Variants in PNPLA3 observed in about 807,000 individuals in gnomAD.
PNPLA3 encodes the protein 1-acylglycerol-3-phosphate O-acyltransferase PNPLA3.
In PNPLA3, 42 loss-of-function variants were observed where a neutral mutation model predicts 43.1. The ratio of observed to expected loss-of-function variants is 0.97; its 90% confidence interval spans 0.76 to 1.26. The LOEUF (loss-of-function observed/expected upper bound fraction) is 1.26. PNPLA3 is among the 50% of genes most tolerant of loss of function. The pLI, the probability that PNPLA3 is intolerant of heterozygous loss-of-function variation, is 0.00. For missense variants in PNPLA3, 647 were observed against 621.4 expected (o/e 1.04, Z -0.44); for synonymous variants, 272 against 253.6 (o/e 1.07, Z -0.69).
chr22:43,945,601 A>G (rs2050057861), intron 8 of PNPLA3, among the ~76,000 whole-genome samples: 2 of 152,182 alleles, frequency 1.3e-5, no homozygotes, highest in Non-Finnish European at 2.9e-5. Flanking sequence ...AGGATTTAAA[A>G]GTAGGGGAAT....
intron 1 of PNPLA3, 149 bp from the exon 2 acceptor site, chr22:43,926,786 G>A (rs1274356422): frequency 9.4e-6 from 6 of 637,722 alleles, no homozygotes; most frequent in Non-Finnish European, 1.6e-5. Context: ...ACATTTCAAG[G>A]GCGTGATAGC....
intron 4 of PNPLA3, 145 bp downstream of exon 4, chr22:43,933,232 C>G (rs2049973365): frequency 3.9e-6 from 3 of 777,586 alleles, no homozygotes; most frequent in Non-Finnish European, 6.1e-6. Flanking sequence ...GGCGCTTGTC[C>G]CAGAAGCTCA....
At chr22:43,938,124 T>G (rs771943895) in intron 6 of PNPLA3, among the ~76,000 whole-genome samples, 21 of 152,168 alleles carry the variant, frequency 1.4e-4, no homozygotes, top group Non-Finnish European at 2.9e-4. Context: ...TTGCAGCCTC[T>G]AGAACTCTGA....
rs2049903128 is a variant in PNPLA3, at chr22:43,923,942, T to C, written c.31T>C (p.Ser11Pro). ...CGACGCAGAGCGCGGCTGGAGCTTG[T>C]CCTTCGCGGGCTGCGGCTTCCTGGG... Reference protein sequence around the residue: MYDAERGWSLSFAGCGFLGFY... With the variant: MYDAERGWSLPFAGCGFLGFY... The change falls in exon 1 of 9, where the codon TCC (serine) becomes CCC (proline). Residue 11 changes from serine (S) to proline (P), a missense_variant. Coordinates refer to ENST00000216180, the MANE Select transcript of PNPLA3 (RefSeq NM_025225.3). The C allele has an allele frequency of 6.3e-7, 1 of 1,580,626 alleles. No homozygotes were observed. The highest frequency in any genetic ancestry group is 2.4e-5 in the East Asian group (1 of 42,320).
At position 43,940,020 on chromosome 22, in the gene PNPLA3, G is replaced by A; in HGVS notation, c.1007G>A (p.Gly336Asp). ...CTGAGTGAAGAAATGAAAGACAAAG[G>A]TGGATACATGAGCAAGATTTGCAAC... ...TALSEEMKDK[G>D]GYMSKICNLL... Residue 336 changes from glycine to aspartate, a missense_variant, in exon 7 of 9, where the codon GGT (glycine) becomes GAT (aspartate). Physicochemically the swap from Gly to Asp is moderately conservative, Grantham distance 94. Transcript: ENST00000216180. The A allele has an allele frequency of 1.2e-6, 2 of 1,614,174 alleles. No individual in the cohort carries two copies. Among genetic ancestry groups the A allele is most frequent in the Non-Finnish European group, 1.7e-6 (2 of 1,180,016 alleles).
chr22:43,926,003 G>T (rs527537437), intron 1 of PNPLA3, among the ~76,000 whole-genome samples: 77 of 152,336 alleles, frequency 5.1e-4, no homozygotes, highest in African/African-American at 1.7e-3. Flanking sequence ...ATCTGGAGGC[G>T]TTGGCAGGAG....
At position 43,946,533 on chromosome 22, in the gene PNPLA3, G is replaced by C. The variant is rs2050064612; in HGVS notation, c.*151G>C. ...GCTGAGTTGGTTTTATGAAAAGCTA[G>C]GAAGCAACCTTTCGCCTGTGCAGCG... On this transcript the variant is annotated 3_prime_UTR_variant, in exon 9 of 9. Transcript: ENST00000216180. The C allele has an allele frequency of 9.0e-6, 7 of 774,230 alleles. No homozygotes were observed. The South Asian group carries it at 9.2e-5, about 10-fold the overall frequency. The allele number at this position is 774,230 out of a possible 1,614,324, so 48.0% of individuals were successfully genotyped here.
intron 7 of PNPLA3, among the ~76,000 whole-genome samples, chr22:43,940,994 C>A (rs2050027052): frequency 6.6e-6 from 1 of 151,546 alleles, no homozygotes; most frequent in East Asian, 1.9e-4. Context: ...CAAAAATTAG[C>A]TGGGCATGGT....
At chr22:43,940,584 G>A (rs2050024861) in intron 7 of PNPLA3, among the ~76,000 whole-genome samples, 1 of 152,206 alleles carries the variant, frequency 6.6e-6, no homozygotes, top group African/African-American at 2.4e-5. Context: ...CAAGGTGGGT[G>A]GATCATGTGA....
intron 3 of PNPLA3, among the ~76,000 whole-genome samples, chr22:43,931,275 T>G (rs2049960002): frequency 6.6e-6 from 1 of 152,206 alleles, no homozygotes; most frequent in Non-Finnish European, 1.5e-5. Context: ...TCAAATTCAA[T>G]GCAAGCAAAT....
In PNPLA3 at chr22:43,946,348, C is replaced by T; in HGVS notation, c.1412C>T (p.Thr471Ile). ...CCTGCTGGTGCTGAGGGGCTCTCCA[C>T]CTTTCCCAGTTTTTCACTAGAGAAG... ...KVPAGAEGLS[T>I]FPSFSLEKSL Residue 471 changes from threonine (T) to isoleucine (I), a missense_variant, in exon 9 of 9, where the codon ACC (threonine) becomes ATC (isoleucine). Thr to Ile is a moderately conservative substitution (Grantham distance 89, BLOSUM62 -1). Transcript: ENST00000216180. 1 of 1,614,188 alleles carries T rather than the reference C, an allele frequency of 6.2e-7. No individual in the cohort carries two copies. The highest frequency in any genetic ancestry group is 8.5e-7 in the Non-Finnish European group (1 of 1,180,030).
At chr22:43,937,397 C>A in intron 6 of PNPLA3, 125 bp downstream of exon 6, 1 of 852,108 alleles carries the variant, frequency 1.2e-6, no homozygotes, top group Non-Finnish European at 1.9e-6. Flanking sequence ...TTGGGAACAT[C>A]TCCTTCCATG....
At chr22:43,941,541 A>G (rs2050031241) in intron 7 of PNPLA3, among the ~76,000 whole-genome samples, 1 of 152,216 alleles carries the variant, frequency 6.6e-6, no homozygotes, top group Middle Eastern at 3.2e-3. Flanking sequence ...ACTGACTCAC[A>G]GTGCAGGAGT....
At chr22:43,938,769 C>T (rs1416006408) in intron 6 of PNPLA3, among the ~76,000 whole-genome samples, 4 of 152,124 alleles carry the variant, frequency 2.6e-5, no homozygotes, top group Admixed American at 1.3e-4. Context: ...TGAGGCATCA[C>T]GAGGTCATTA....
rs2050066621 is a variant in PNPLA3, at chr22:43,946,789, G to A, written c.*407G>A. 2 of 519,292 alleles carry A rather than the reference G, an allele frequency of 3.9e-6. No homozygotes were observed. Among genetic ancestry groups the A allele is most frequent in the Admixed American group, 2.0e-5 (1 of 51,264 alleles). The allele number at this position is 519,292 out of a possible 1,614,324, so 32.2% of individuals were successfully genotyped here. On this transcript the variant is annotated 3_prime_UTR_variant, in exon 9 of 9. Transcript: ENST00000216180. ...CTTGTGGGGTGGAGGGAAGAGAATA[G>A]CATGATCCCACTTCCCCATGCTGTG...
At chr22:43,925,018 A>G (rs554084946) in intron 1 of PNPLA3, among the ~76,000 whole-genome samples, 1 of 152,042 alleles carries the variant, frequency 6.6e-6, no homozygotes, top group African/African-American at 2.4e-5. Context: ...AACCCTGGGC[A>G]TCCTCCAGGG....
chr22:43,944,835 C>T (rs764983887), intron 8 of PNPLA3, 40 bp downstream of exon 8: 1 of 1,513,566 alleles, frequency 6.6e-7, no homozygotes. Context: ...CGGACGGGCA[C>T]CTCTCTCATC....
chr22:43,939,517 T>C, intron 6 of PNPLA3: 1 of 793,182 alleles, frequency 1.3e-6, no homozygotes, highest in Non-Finnish European at 1.6e-6. Flanking sequence ...GCCCTTGCTG[T>C]GAAGGGAGCA....
intron 5 of PNPLA3, among the ~76,000 whole-genome samples, chr22:43,936,836 G>A (rs932299514): frequency 6.6e-6 from 1 of 152,092 alleles, no homozygotes; most frequent in Non-Finnish European, 1.5e-5. Context: ...CACAAAGCTA[G>A]CAGGAGCCAA....
Sources: gnomAD v4.1 joint callset for allele counts (sites outside exome capture counted in the v4.1 genomes callset) on GRCh38, gnomAD v4.1.1 for gene constraint, MANE v1.5 for transcripts, NCBI Gene and HGNC (gene_info 2026-07-23, HGNC 2026-07-21) for gene names.